Variants in CLSTN1 observed in about 807,000 individuals in gnomAD.
CLSTN1 encodes calsyntenin-1.
CLSTN1 carries 28 observed loss-of-function variants against 108.3 expected under a neutral mutation model. The observed-to-expected ratio is 0.26, with a 90% CI of 0.19 to 0.35. CLSTN1 has a LOEUF of 0.35. Ranked by LOEUF, CLSTN1 falls within the 10% of genes least tolerant of loss-of-function variation. The pLI is 1.00. For missense variants in CLSTN1, 1,157 were observed against 1,302.6 expected, an observed-to-expected ratio of 0.89 and a Z score of 1.72; for synonymous variants, 524 against 534.9, an observed-to-expected ratio of 0.98 and a Z score of 0.28.
intron 1 of CLSTN1, among the ~76,000 whole-genome samples, chr1:9,806,302 G>A (rs554471721): frequency 5.9e-5 from 9 of 152,116 alleles, no homozygotes; most frequent in South Asian, 2.1e-4. Flanking sequence ...ACTCTGTCTC[G>A]AAAATACAAA....
intron 1 of CLSTN1, among the ~76,000 whole-genome samples, chr1:9,802,130 G>A (rs755862500): frequency 5.1e-4 from 78 of 152,310 alleles, no homozygotes; most frequent in Admixed American, 2.0e-3. Context: ...CAGAGCTAAT[G>A]AGCCGCAGAC....
chr1:9,736,026 C>T lies in CLSTN1; in HGVS notation c.1593G>A (p.Met531Ile). Residue 531 changes from methionine (M) to isoleucine (I), a missense_variant, in exon 12 of 19, where the codon ATG becomes ATA. Coordinates refer to ENST00000377298, the MANE Select transcript of CLSTN1 (RefSeq NM_001009566.3). ...TVASAGGDLH[M>I]TQFFRGNLAG... ...CCAGATTGCCTCGGAAAAACTGGGT[C>T]ATGTGCAGGTCGCCACCTTTGGGTC... 3 of 1,614,172 alleles carry T rather than the reference C, an allele frequency of 1.9e-6. No homozygotes were observed. The highest frequency in any genetic ancestry group is 2.5e-6 in the Non-Finnish European group (3 of 1,180,038).
intron 1 of CLSTN1, among the ~76,000 whole-genome samples, chr1:9,790,171 T>A (rs535399115): frequency 1.3e-5 from 2 of 151,422 alleles, no homozygotes; most frequent in Non-Finnish European, 2.9e-5. Context: ...AATTCCGCTA[T>A]GAAAGAAAAA....
At chr1:9,733,756 C>T (rs529473199) in intron 15 of CLSTN1, among the ~76,000 whole-genome samples, 37 of 152,324 alleles carry the variant, frequency 2.4e-4, no homozygotes, top group South Asian at 8.3e-4. Flanking sequence ...CACGCCTCAA[C>T]CCTCCCCCTT....
At chr1:9,762,231 G>A (rs1411277987) in intron 2 of CLSTN1, among the ~76,000 whole-genome samples, 2 of 152,192 alleles carry the variant, frequency 1.3e-5, no homozygotes, top group African/African-American at 2.4e-5. Flanking sequence ...GGAGGCCAAG[G>A]TGGGTGGATC....
chr1:9,762,474 A>G (rs937845219), intron 2 of CLSTN1, among the ~76,000 whole-genome samples: 10 of 151,648 alleles, frequency 6.6e-5, no homozygotes, highest in South Asian at 6.2e-4. Context: ...AAAAAAAAAA[A>G]AGAGAAAATG....
In CLSTN1 at chr1:9,823,608, C is replaced by A; in HGVS notation, c.91+35G>T. 1 of 1,173,476 alleles carries A rather than the reference C, an allele frequency of 8.5e-7. No homozygotes were observed. Among genetic ancestry groups the A allele is most frequent in the Admixed American group, 4.6e-5 (1 of 21,830 alleles). The allele number at this position is 1,173,476 out of a possible 1,614,324, so 72.7% of individuals were successfully genotyped here. A position where few individuals can be genotyped will look rare whatever the true frequency, so the allele number is the denominator to read the frequency against. On this transcript the variant is annotated intron_variant, in intron 1 of 18. Transcript: ENST00000377298. The surrounding 1 kb of genome is among the most constrained non-coding windows in gnomAD (Gnocchi z 6.3). ...CCTGCACCCGGACCCGAATCCCGCA[C>A]CGACCCAGCGGCCCGGCCCAGCCCC...
intron 3 of CLSTN1, 132 bp from the exon 4 acceptor site, chr1:9,755,441 G>C (rs951301247): frequency 1.5e-6 from 1 of 685,942 alleles, no homozygotes; most frequent in Non-Finnish European, 2.4e-6. Flanking sequence ...TGGAGGGTCC[G>C]TGGACAAAGC....
At chr1:9,735,637 AGAG>A (rs754696745) in intron 12 of CLSTN1, 22 bp from the exon 13 acceptor site, 14 of 1,613,876 alleles carry the variant, frequency 8.7e-6, no homozygotes, top group South Asian at 2.2e-5. Context: ...CCAGCCACAG[AGAG>A]GAGAAGAATA....
intron 1 of CLSTN1, among the ~76,000 whole-genome samples, chr1:9,810,336 T>TG (rs1340485833): frequency 3.4e-5 from 5 of 145,152 alleles, no homozygotes; most frequent in African/African-American, 1.3e-4. Flanking sequence ...ATTAGTCAGG[T>TG]GTGGGAGTGT....
At chr1:9,756,408 G>T in intron 3 of CLSTN1, 73 bp downstream of exon 3, 2 of 1,237,746 alleles carry the variant, frequency 1.6e-6, no homozygotes, top group Non-Finnish European at 2.4e-6. Context: ...CTGTTTAAGG[G>T]CTGATTCCCA....
At chr1:9,731,115 T>G (rs1650361627) in intron 18 of CLSTN1, 91 bp downstream of exon 18, 1 of 1,453,558 alleles carries the variant, frequency 6.9e-7, no homozygotes, top group South Asian at 1.1e-5. Flanking sequence ...ATGGAAAGCA[T>G]GTGAACCTGA....
In CLSTN1 at chr1:9,735,564, C is replaced by G. The variant is rs764464757; in HGVS notation, c.1786G>C (p.Gly596Arg). ...TGCTGCATGGCCTTATCCAATTCCC[C>G]GAGGTCTTCTCCCTCCAAGGTCAAT... ...LVLTLEGEDL[G>R]ELDKAMQHIS... Residue 596 changes from glycine to arginine, a missense_variant, in exon 13 of 19, where the codon GGG (glycine) becomes CGG (arginine). By Grantham distance (125) the Gly-to-Arg change is moderately radical. Coordinates refer to ENST00000377298, the MANE Select transcript of CLSTN1 (RefSeq NM_001009566.3). 8.7e-6 allele frequency: 14 copies of G among 1,613,986 alleles called. No individual in the cohort carries two copies. The East Asian group carries it at 3.1e-4, about 36-fold the overall frequency.
At chr1:9,785,461 T>C (rs1411221177) in intron 1 of CLSTN1, among the ~76,000 whole-genome samples, 1 of 152,146 alleles carries the variant, frequency 6.6e-6, no homozygotes. Flanking sequence ...ATACATAGCT[T>C]AGACATTATT....
intron 1 of CLSTN1, among the ~76,000 whole-genome samples, chr1:9,797,321 G>A (rs1454358815): frequency 6.6e-6 from 1 of 152,072 alleles, no homozygotes; most frequent in Admixed American, 6.6e-5. Flanking sequence ...AGGGGAAGTG[G>A]GGGAGGGAGA....
chr1:9,739,107 G>A (rs1307930368), intron 10 of CLSTN1, among the ~76,000 whole-genome samples: 1 of 152,190 alleles, frequency 6.6e-6, no homozygotes, highest in Non-Finnish European at 1.5e-5. Context: ...GGGGTAACCT[G>A]AGGGTTCCAT....
chr1:9,807,071 G>A (rs1273525655), intron 1 of CLSTN1, among the ~76,000 whole-genome samples: 1 of 151,998 alleles, frequency 6.6e-6, no homozygotes, highest in Non-Finnish European at 1.5e-5. Context: ...GGTGCCACAG[G>A]TGCGGCAGAA....
intron 2 of CLSTN1, among the ~76,000 whole-genome samples, chr1:9,759,801 C>T (rs1320503291): frequency 6.6e-6 from 1 of 152,208 alleles, no homozygotes; most frequent in Admixed American, 6.5e-5. Context: ...ACGAGTAAAA[C>T]TGCCTGGTAT....
chr1:9,793,399 G>C (rs1377404232), intron 1 of CLSTN1, among the ~76,000 whole-genome samples: 2 of 151,444 alleles, frequency 1.3e-5, no homozygotes, highest in Non-Finnish European at 2.9e-5. Flanking sequence ...GCTGTGGGCC[G>C]TAATGGGGCG....
Sources: gnomAD v4.1 joint callset for allele counts (sites outside exome capture counted in the v4.1 genomes callset) on GRCh38, gnomAD v4.1.1 for gene constraint, Gnocchi (gnomAD v3.1) non-coding constraint, MANE v1.5 for transcripts, NCBI Gene and HGNC (gene_info 2026-07-23, HGNC 2026-07-21) for gene names.